CNOT6L: variants seen among roughly 807,000 people sequenced by gnomAD.
CNOT6L encodes the protein CCR4-NOT transcription complex subunit 6 like, also known as CCR4-NOT transcription complex subunit 6-like.
Under a neutral mutation model 64.0 loss-of-function variants are expected in CNOT6L, and 7 were observed. That is an observed-to-expected ratio of 0.11 (90% confidence interval 0.06 to 0.21). The LOEUF (loss-of-function observed/expected upper bound fraction) is 0.21, where lower values mean the gene tolerates loss of function less well. CNOT6L is among the 10% of genes least tolerant of loss of function. The pLI, the probability that CNOT6L is intolerant of heterozygous loss-of-function variation, is 1.00. For synonymous variants in CNOT6L, 193 were observed against 243.4 expected (o/e 0.79, Z 1.93); for missense variants, 245 against 669.0 (o/e 0.37, Z 6.99).
intron 1 of CNOT6L, 42 bp downstream of exon 1, chr4:77,819,262 C>T: frequency 5.6e-6 from 9 of 1,613,590 alleles, no homozygotes; most frequent in Non-Finnish European, 7.6e-6. Context: ...GCTCCTCTTC[C>T]CAACACTCTC....
chr4:77,814,916 A>G (rs1216162887), intron 1 of CNOT6L, among the ~76,000 whole-genome samples: 1 of 152,174 alleles, frequency 6.6e-6, no homozygotes, highest in Non-Finnish European at 1.5e-5. Context: ...TAGTAAAAGA[A>G]AGTTGTAGTA....
chr4:77,728,759 CT>C, intron 10 of CNOT6L, 94 bp downstream of exon 10: 1 of 907,800 alleles, frequency 1.1e-6, no homozygotes, highest in Non-Finnish European at 1.8e-6. Context: ...TGATACATTC[CT>C]TAATTTATCT....
At chr4:77,786,653 T>C (rs1293485818) in intron 1 of CNOT6L, among the ~76,000 whole-genome samples, 1 of 151,856 alleles carries the variant, frequency 6.6e-6, no homozygotes, top group Non-Finnish European at 1.5e-5. Flanking sequence ...ATTTTTGTAT[T>C]TTTTGTAGAA....
intron 1 of CNOT6L, among the ~76,000 whole-genome samples, chr4:77,817,685 A>G (rs1733728127): frequency 6.6e-6 from 1 of 152,196 alleles, no homozygotes; most frequent in South Asian, 2.1e-4. Flanking sequence ...ACGTATGTTA[A>G]ATTGTTTTTC....
intron 8 of CNOT6L, among the ~76,000 whole-genome samples, chr4:77,733,939 T>A (rs1722696240): frequency 6.6e-6 from 1 of 152,114 alleles, no homozygotes; most frequent in Non-Finnish European, 1.5e-5. Flanking sequence ...TTGTTTAAAT[T>A]TGCTCAACAA....
chr4:77,773,201 T>C (rs756280134), intron 3 of CNOT6L, 35 bp from the exon 4 acceptor site: 14 of 1,252,820 alleles, frequency 1.1e-5, no homozygotes, highest in South Asian at 1.4e-5. Flanking sequence ...TAGTTTAATA[T>C]ACTAAGTTTT....
At chr4:77,764,811 C>T (rs72864960) in intron 4 of CNOT6L, among the ~76,000 whole-genome samples, 62 of 152,298 alleles carry the variant, frequency 4.1e-4, no homozygotes, top group African/African-American at 1.3e-3. Context: ...GGAATATCAT[C>T]GCCCCTGTTC....
intron 5 of CNOT6L, among the ~76,000 whole-genome samples, chr4:77,750,903 A>G (rs374912362): frequency 1.1e-4 from 16 of 152,190 alleles, no homozygotes; most frequent in African/African-American, 3.9e-4. Flanking sequence ...CCAAATCTAC[A>G]TGCTAAACCT....
At chr4:77,798,622 G>C (rs1266382510) in intron 1 of CNOT6L, among the ~76,000 whole-genome samples, 1 of 152,098 alleles carries the variant, frequency 6.6e-6, no homozygotes, top group Non-Finnish European at 1.5e-5. Flanking sequence ...AAAACAACCG[G>C]AACTTTCATA....
At chr4:77,727,813 A>C (rs1399590100) in intron 10 of CNOT6L, among the ~76,000 whole-genome samples, 1 of 152,224 alleles carries the variant, frequency 6.6e-6, no homozygotes, top group Non-Finnish European at 1.5e-5. Flanking sequence ...TTAAAGTGCC[A>C]ATTAGGCTAG....
At chr4:77,772,561 T>A (rs1327205494) in intron 4 of CNOT6L, among the ~76,000 whole-genome samples, 11 of 152,144 alleles carry the variant, frequency 7.2e-5, no homozygotes, top group Non-Finnish European at 1.2e-4. Flanking sequence ...CAAAAAATTT[T>A]CCCCTTACAA....
intron 1 of CNOT6L, among the ~76,000 whole-genome samples, chr4:77,812,349 A>G (rs1311551293): frequency 6.6e-6 from 1 of 151,664 alleles, no homozygotes; most frequent in Non-Finnish European, 1.5e-5. Flanking sequence ...GAGGCTGGAG[A>G]ATCACTTGAA....
chr4:77,725,064 A>C (rs536644103), intron 11 of CNOT6L, among the ~76,000 whole-genome samples: 17 of 152,330 alleles, frequency 1.1e-4, no homozygotes, highest in Non-Finnish European at 2.1e-4. Context: ...ACATCACTAC[A>C]TACAAGTGGC....
At position 77,742,121 on chromosome 4, in the gene CNOT6L, G is replaced by A. The variant is rs1256881010; in HGVS notation, c.872+20C>T. The A allele has an allele frequency of 3.7e-6, 6 of 1,604,544 alleles. No individual in the cohort carries two copies. In the East Asian group the frequency reaches 8.9e-5, roughly 24 times the overall value. ...TAAATAAATAAAAGTACACCATTGTGCTTTGTTTCCTTAACTTACTTTTCT... is the reference window on the plus strand; with the variant it reads ...TAAATAAATAAAAGTACACCATTGTACTTTGTTTCCTTAACTTACTTTTCT... On this transcript the variant is annotated intron_variant, in intron 8 of 11. Transcript: ENST00000504123.
chr4:77,793,684 G>T (rs1260386141), intron 1 of CNOT6L, among the ~76,000 whole-genome samples: 1 of 152,156 alleles, frequency 6.6e-6, no homozygotes, highest in Non-Finnish European at 1.5e-5. Context: ...TGATTTCTGA[G>T]TGTTGGGTAG....
chr4:77,779,046 C>CAAAAAAAAAAAAAAAAAAA (rs747920305), intron 1 of CNOT6L, among the ~76,000 whole-genome samples: 2 of 67,126 alleles, frequency 3.0e-5, no homozygotes, highest in Admixed American at 2.0e-4. Flanking sequence ...GACTCTGTCT[C>CAAAAAAAAAAAAAAAAAAA]AAAAAAAAAA....
At chr4:77,791,412 C>T (rs746797388) in intron 1 of CNOT6L, among the ~76,000 whole-genome samples, 37 of 150,666 alleles carry the variant, frequency 2.5e-4, no homozygotes, top group Admixed American at 6.6e-4. Flanking sequence ...CAAATGTGTA[C>T]GGTTAAAAAA....
In CNOT6L at chr4:77,719,715, GAATT is replaced by G. The variant is rs1237250464; in HGVS notation, c.*712_*715del. ...TAAATAAACTTGAGAGACAGGCTTAGAATTAATACTTCCAATAAGGTTATATATA... is the reference window on the plus strand; with the variant it reads ...TAAATAAACTTGAGAGACAGGCTTAGAATACTTCCAATAAGGTTATATATA... On this transcript the variant is annotated 3_prime_UTR_variant, in exon 12 of 12. Transcript: ENST00000504123. 1 of 152,472 alleles carries G rather than the reference GAATT, an allele frequency of 6.6e-6. No homozygotes were observed. The highest frequency in any genetic ancestry group is 1.5e-5 in the Non-Finnish European group (1 of 68,016). The allele number at this position is 152,472 out of a possible 1,614,324, so 9.4% of individuals were successfully genotyped here. A position where few individuals can be genotyped will look rare whatever the true frequency, so the allele number is the denominator to read the frequency against.
In CNOT6L at chr4:77,767,189, T is replaced by G. The variant is rs150590999; in HGVS notation, c.400+5892A>C. On this transcript the variant is annotated intron_variant, in intron 4 of 11. Coordinates refer to ENST00000504123, the MANE Select transcript of CNOT6L (RefSeq NM_144571.3). ...TTGATTGGTGTAGAAAGCTATAAAA[T>G]TTTATTAGAAGACATTAAATAAATG... Among the ~76,000 whole-genome samples the G allele has an allele frequency of 4.4e-3, 644 of 145,804 alleles. 7 individuals carry two copies. The highest frequency in any genetic ancestry group is 0.016 in the African/African-American group (620 of 39,800).
Sources: gnomAD v4.1 joint callset for allele counts (sites outside exome capture counted in the v4.1 genomes callset) on GRCh38, gnomAD v4.1.1 for gene constraint, MANE v1.5 for transcripts, NCBI Gene and HGNC (gene_info 2026-07-23, HGNC 2026-07-21) for gene names.